NLGN1: variants seen among roughly 807,000 people sequenced by gnomAD.
NLGN1 encodes the protein neuroligin 1, also known as neuroligin-1.
In NLGN1, 12 loss-of-function variants were observed where a neutral mutation model predicts 65.5. The ratio of observed to expected loss-of-function variants is 0.18; its 90% CI spans 0.12 to 0.30. NLGN1 has a LOEUF of 0.30. Among genes scored for constraint, NLGN1 ranks in the 10% least tolerant of loss-of-function variants. The pLI is 1.00. For missense variants in NLGN1, 750 were observed against 1,007.1 expected, an observed-to-expected ratio of 0.74 and a Z score of 3.46; for synonymous variants, 350 against 359.5, an observed-to-expected ratio of 0.97 and a Z score of 0.30.
Position 173,452,472 on chromosome 3 carries a change from G to A in NLGN1, c.-321+17394G>A, listed in dbSNP as rs139334489. Among the ~76,000 whole-genome samples the A allele has an allele frequency of 3.6e-3, 547 of 152,190 alleles. 2 individuals are homozygous for A. Among genetic ancestry groups the A allele is most frequent in the African/African-American group, 0.011 (476 of 41,540 alleles). ...AAGTGCAGGATTACAGGCGTGAGCCGCGGTGCCTGGCCTAATTTTCTTGCC... is the reference window on the plus strand; with the variant it reads ...AAGTGCAGGATTACAGGCGTGAGCCACGGTGCCTGGCCTAATTTTCTTGCC... On this transcript the variant is annotated intron_variant, in intron 2 of 6. Transcript: ENST00000457714.
intron 4 of NLGN1, among the ~76,000 whole-genome samples, chr3:173,968,671 A>AATT (rs1236435475): frequency 6.7e-6 from 1 of 149,012 alleles, no homozygotes; most frequent in Non-Finnish European, 1.5e-5. Flanking sequence ...AACACCCCAC[A>AATT]ATTACTGAAA....
chr3:174,253,013 G>T (rs9856717), intron 4 of NLGN1, among the ~76,000 whole-genome samples: 34,110 of 151,976 alleles, frequency 0.22, 4,099 homozygotes, highest in East Asian at 0.52. Flanking sequence ...TGATATTAAT[G>T]GATTTTCATC....
intron 3 of NLGN1, among the ~76,000 whole-genome samples, chr3:173,649,457 T>G (rs1758796651): frequency 6.6e-6 from 1 of 152,172 alleles, no homozygotes; most frequent in Non-Finnish European, 1.5e-5. Context: ...ATTACATATT[T>G]TAAATATGCG....
chr3:174,041,313 G>C (rs1048139807), intron 4 of NLGN1, among the ~76,000 whole-genome samples: 1 of 152,054 alleles, frequency 6.6e-6, no homozygotes, highest in Non-Finnish European at 1.5e-5. Flanking sequence ...CAATATGTTA[G>C]TATTTTTTCT....
chr3:173,421,210 A>C (rs553445832), intron 1 of NLGN1, among the ~76,000 whole-genome samples: 5 of 151,966 alleles, frequency 3.3e-5, no homozygotes, highest in Non-Finnish European at 7.4e-5. Flanking sequence ...TTTTATTTTG[A>C]AATAATCTTA....
At chr3:174,043,146 G>T (rs1049273202) in intron 4 of NLGN1, among the ~76,000 whole-genome samples, 2 of 152,140 alleles carry the variant, frequency 1.3e-5, no homozygotes, top group African/African-American at 4.8e-5. Context: ...CTTTTCCCAT[G>T]ATTCAGTTAC....
intron 2 of NLGN1, among the ~76,000 whole-genome samples, chr3:173,570,598 G>C (rs1035612764): frequency 6.6e-6 from 1 of 152,066 alleles, no homozygotes; most frequent in African/African-American, 2.4e-5. Context: ...CCCCCAATGG[G>C]TGCTGGTGGG....
rs564925057 is a variant in NLGN1 at position 173,768,129 on chromosome 3, A to C, written c.494-39551A>C. On this transcript the variant is annotated intron_variant, in intron 3 of 6. Coordinates refer to ENST00000457714, the Ensembl canonical transcript of NLGN1. ...CTTAGATAATTTATCCAAGTTAGAAAATGGAAATTAGGTAACCAATATATA... is the reference window on the plus strand; with the variant it reads ...CTTAGATAATTTATCCAAGTTAGAACATGGAAATTAGGTAACCAATATATA... Among the ~76,000 whole-genome samples the C allele has an allele frequency of 2.0e-5, 3 of 152,302 alleles. No individual in the cohort carries two copies. In the South Asian group the frequency reaches 6.2e-4, roughly 32 times the overall value.
intron 3 of NLGN1, among the ~76,000 whole-genome samples, chr3:173,785,215 G>T (rs546006051): frequency 3.9e-4 from 60 of 152,138 alleles, no homozygotes; most frequent in Non-Finnish European, 7.4e-4. Context: ...CACAGATGGC[G>T]CCATCACCCT....
At chr3:173,419,569 G>T (rs1018133299) in intron 1 of NLGN1, among the ~76,000 whole-genome samples, 2 of 152,160 alleles carry the variant, frequency 1.3e-5, no homozygotes, top group Non-Finnish European at 2.9e-5. Flanking sequence ...GCAAGATGGT[G>T]ATACTCCTGC....
At chr3:173,678,051 G>A (rs1483087602) in intron 3 of NLGN1, among the ~76,000 whole-genome samples, 4 of 152,086 alleles carry the variant, frequency 2.6e-5, no homozygotes, top group Non-Finnish European at 5.9e-5. Context: ...TCCTCAGTTT[G>A]TCCCTTATCT....
At chr3:173,840,062 T>G (rs1349005975) in intron 4 of NLGN1, among the ~76,000 whole-genome samples, 2 of 152,192 alleles carry the variant, frequency 1.3e-5, no homozygotes, top group Non-Finnish European at 2.9e-5. Context: ...CATCGACATA[T>G]TCAAGGAACA....
intron 4 of NLGN1, among the ~76,000 whole-genome samples, chr3:173,987,387 CAG>C (rs1287086812): frequency 1.3e-5 from 2 of 152,096 alleles, no homozygotes. Flanking sequence ...ATGTTACAAA[CAG>C]GGAAAATTAG....
chr3:174,257,579 A>G (rs1189214858), intron 4 of NLGN1, among the ~76,000 whole-genome samples: 2 of 152,266 alleles, frequency 1.3e-5, no homozygotes, highest in African/African-American at 2.4e-5. Context: ...TATGCAGCCA[A>G]TAAAAGGAAT....
In NLGN1 at chr3:173,534,588, C is replaced by T. The variant is rs368205464; in HGVS notation, c.-320-69691C>T. ...TCTCTAAATCTTATGCTTTCTAGGG[C>T]AGGAGCTATAATAGTAAGAATCAAC... On this transcript the variant is annotated intron_variant, in intron 2 of 6. Transcript: ENST00000457714. Among the ~76,000 whole-genome samples, 3 of 152,244 alleles carry T rather than the reference C, an allele frequency of 2.0e-5. No homozygotes were observed. The East Asian group carries it at 5.8e-4, about 29-fold the overall frequency.
At chr3:174,209,794 G>A (rs1736115433) in intron 4 of NLGN1, among the ~76,000 whole-genome samples, 1 of 151,494 alleles carries the variant, frequency 6.6e-6, no homozygotes, top group Non-Finnish European at 1.5e-5. Flanking sequence ...CACCACATCC[G>A]GCTAATTTTT....
chr3:174,227,749 G>A (rs1396304469), intron 4 of NLGN1, among the ~76,000 whole-genome samples: 1 of 152,002 alleles, frequency 6.6e-6, no homozygotes, highest in Non-Finnish European at 1.5e-5. Context: ...TTTCAAAAAT[G>A]TTTGTGAAAT....
At chr3:173,628,189 T>C (rs1031127399) in intron 3 of NLGN1, among the ~76,000 whole-genome samples, 2 of 152,162 alleles carry the variant, frequency 1.3e-5, no homozygotes, top group Non-Finnish European at 2.9e-5. Flanking sequence ...ATGACCTTGC[T>C]CTGTAACATG....
chr3:173,672,589 C>G (rs377078785), intron 3 of NLGN1, among the ~76,000 whole-genome samples: 2 of 152,124 alleles, frequency 1.3e-5, no homozygotes, highest in Non-Finnish European at 2.9e-5. Flanking sequence ...ATAGAGCTGA[C>G]AAAAACTTGA....
Sources: allele counts gnomAD v4.1 joint callset (sites outside exome capture counted in the v4.1 genomes callset), GRCh38; gene constraint gnomAD v4.1.1; transcripts MANE v1.5; gene names NCBI Gene and HGNC (gene_info 2026-07-23, HGNC 2026-07-21).